Variants in PPARA observed in about 807,000 individuals in gnomAD.
The protein encoded by PPARA is peroxisome proliferator activated receptor alpha, also known as peroxisome proliferator-activated receptor alpha.
Under a neutral mutation model 42.2 loss-of-function variants are expected in PPARA, and 22 were observed. The observed-to-expected ratio is 0.52, with a 90% CI of 0.37 to 0.74. The LOEUF is 0.74. PPARA is among the 30% of genes least tolerant of loss of function. The pLI, the probability that PPARA is intolerant of heterozygous loss-of-function variation, is 0.00. For synonymous variants in PPARA, 242 were observed against 239.3 expected, an observed-to-expected ratio of 1.01 and a Z score of -0.10; for missense variants, 465 against 608.2, an observed-to-expected ratio of 0.76 and a Z score of 2.48.
intron 5 of PPARA, 44 bp downstream of exon 5, chr22:46,215,377 C>T (rs1934382211): frequency 6.2e-7 from 1 of 1,611,022 alleles, no homozygotes; most frequent in African/African-American, 1.3e-5. Context: ...CCACCATCAA[C>T]TACTTATGGT....
chr22:46,224,557 C>G lies in PPARA; in HGVS notation c.711+4543C>G, dbSNP rs563397071. Reference sequence around the variant, plus strand: ...CATCAGTTTCCAGCCTGGGTGACCTCACAGCCCCAGCCACGCCCCACAGAG... The same window carrying G: ...CATCAGTTTCCAGCCTGGGTGACCTGACAGCCCCAGCCACGCCCCACAGAG... On this transcript the variant is annotated intron_variant, in intron 7 of 8. Coordinates refer to ENST00000407236, the MANE Select transcript of PPARA (RefSeq NM_005036.6). The surrounding 1 kb of genome is among the most constrained non-coding windows in gnomAD (Gnocchi z 5.7). 1.5e-4 allele frequency among the ~76,000 whole-genome samples: 23 copies of G among 152,342 alleles called. No homozygotes were observed. In the South Asian group the frequency reaches 4.8e-3, roughly 32 times the overall value.
chr22:46,195,578 T>C lies in PPARA; in HGVS notation c.-42-2764T>C, dbSNP rs907501457. ...TTCACAAAAATGGATGAAATGTATC[T>C]ATTTTTCATTGGTAGAAGAAGCCAA... On this transcript the variant is annotated intron_variant, in intron 3 of 8. Transcript: ENST00000407236. The surrounding 1 kb of genome is among the most constrained non-coding windows in gnomAD (Gnocchi z 4.6). 6.6e-6 allele frequency among the ~76,000 whole-genome samples: 1 copy of C among 152,240 alleles called. No individual in the cohort carries two copies. Among genetic ancestry groups the C allele is most frequent in the African/African-American group, 2.4e-5 (1 of 41,468 alleles).
chr22:46,209,389 C>T (rs909863957), intron 4 of PPARA, among the ~76,000 whole-genome samples: 12 of 152,114 alleles, frequency 7.9e-5, no homozygotes, highest in Admixed American at 6.6e-5. Flanking sequence ...AAGATTAGGC[C>T]ATTATTTCTT....
Position 46,150,677 on chromosome 22 carries a change from G to T in PPARA, c.-210+25G>T, listed in dbSNP as rs1438475763. On this transcript the variant is annotated intron_variant, in intron 1 of 8. Transcript: ENST00000407236. The surrounding 1 kb of genome is among the most constrained non-coding windows in gnomAD (Gnocchi z 7.5). ...GGTGCCCGGGGGCGGGCGGGCGGGC[G>T]GGCGGGAACGCGCGCGGGGGTCCGC... The T allele has an allele frequency of 8.2e-5, 12 of 146,996 alleles. No individual in the cohort carries two copies. 9.1% of individuals were successfully genotyped at this position (146,996 alleles called of 1,614,324 possible).
Position 46,219,919 on chromosome 22 carries a change from C to G in PPARA, c.616C>G (p.Leu206Val). The G allele has an allele frequency of 6.2e-7, 1 of 1,614,198 alleles. No homozygotes were observed. Among genetic ancestry groups the G allele is most frequent in the East Asian group, 2.2e-5 (1 of 44,892 alleles). The change falls in exon 7 of 9, where the codon CTG (leucine) becomes GTG (valine). Residue 206 changes from leucine (L) to valine (V), a missense_variant. Physicochemically the swap from Leu to Val is conservative, Grantham distance 32. Around this residue, in one of 2 missense-constraint regions of PPARA, gnomAD observed 313 missense variants for 469.1 expected, o/e 0.67. Transcript: ENST00000407236. The surrounding 1 kb of genome is among the most constrained non-coding windows in gnomAD (Gnocchi z 4.8). ...EDSETADLKS[L>V]AKRIYEAYLK... ...TTCTGAAACTGCAGATCTCAAATCT[C>G]TGGCCAAGAGAATCTACGAGGCCTA...
intron 7 of PPARA, among the ~76,000 whole-genome samples, chr22:46,223,866 C>T (rs552102698): frequency 6.7e-5 from 10 of 149,472 alleles, no homozygotes; most frequent in Non-Finnish European, 8.9e-5. Flanking sequence ...AGGAGAATGG[C>T]GTGAACCTGG....
In PPARA at chr22:46,165,449, C is replaced by T. The variant is rs1269317586; in HGVS notation, c.-126-11304C>T. ...GGAGAGTTTACAAGATAGTGAAGAA[C>T]TGCCAGGCCATGGTCTGGAGAAGAT... is the stretch of plus-strand genomic sequence containing the variant. On this transcript the variant is annotated intron_variant, in intron 2 of 8. Coordinates refer to ENST00000407236, the MANE Select transcript of PPARA (RefSeq NM_005036.6). The surrounding 1 kb of genome is among the most constrained non-coding windows in gnomAD (Gnocchi z 5.5). The T allele has an allele frequency of 4.6e-5, 7 of 152,226 alleles. No homozygotes were observed. The highest frequency in any genetic ancestry group is 7.3e-5 in the Non-Finnish European group (5 of 68,060). The allele number at this position is 152,226 out of a possible 1,614,324, so 9.4% of individuals were successfully genotyped here.
In PPARA at chr22:46,232,207, C is replaced by A; in HGVS notation, c.1127C>A (p.Ser376Tyr). ...NALELDDSDI[S>Y]LFVAAIICCG... ...CTGGAACTGGATGACAGTGATATCT[C>A]CCTTTTTGTGGCTGCTATCATTTGC... The change falls in exon 8 of 9, where the codon TCC becomes TAC. Residue 376 changes from serine (S) to tyrosine (Y), a missense_variant. Ser to Tyr is a moderately radical substitution (Grantham distance 144). This residue lies in a region of PPARA where 313 missense variants were observed against 469.1 expected (regional missense o/e 0.67). Transcript: ENST00000407236. This position sits in a 1 kb window ranked among gnomAD's most constrained non-coding sequence, Gnocchi z 5.3. The A allele has an allele frequency of 1.2e-6, 2 of 1,614,140 alleles. No individual in the cohort carries two copies. Among genetic ancestry groups the A allele is most frequent in the Non-Finnish European group, 8.5e-7 (1 of 1,180,026 alleles).
At chr22:46,153,784 G>A (rs577576241) in intron 2 of PPARA, among the ~76,000 whole-genome samples, 38 of 152,086 alleles carry the variant, frequency 2.5e-4, no homozygotes, top group African/African-American at 8.0e-4. Context: ...TCTTGAACCC[G>A]GGAGGTGGAG....
chr22:46,237,237 C>T lies in PPARA; in HGVS notation c.*1857C>T, dbSNP rs184961859. On this transcript the variant is annotated 3_prime_UTR_variant, in exon 9 of 9. Transcript: ENST00000407236. This position sits in a 1 kb window ranked among gnomAD's most constrained non-coding sequence, Gnocchi z 6.7. The stretch of plus-strand genomic sequence containing the variant: ...GGAAGGACACAGTGTGAGACTTCCA[C>T]TAGAAAAAAGTGAAAGTTAGGGTTA... The T allele has an allele frequency of 1.3e-5, 2 of 152,066 alleles. No individual in the cohort carries two copies. Among genetic ancestry groups the T allele is most frequent in the African/African-American group, 2.4e-5 (1 of 41,380 alleles). The allele number at this position is 152,066 out of a possible 1,614,324, so 9.4% of individuals were successfully genotyped here.
At chr22:46,176,967 T>C (rs1929166748) in intron 3 of PPARA, 131 bp downstream of exon 3, 1 of 152,290 alleles carries the variant, frequency 6.6e-6, no homozygotes, top group Admixed American at 6.5e-5. Context: ...TCCCAGGACT[T>C]TGGGGGGCCA....
chr22:46,194,431 AAG>A (rs1195864087), intron 3 of PPARA, among the ~76,000 whole-genome samples: 1 of 152,160 alleles, frequency 6.6e-6, no homozygotes, highest in Non-Finnish European at 1.5e-5. Flanking sequence ...TCCTGGCCAG[AAG>A]AGAGAATATT....
Position 46,222,560 on chromosome 22 carries a change from AG to A in PPARA, c.711+2548del, listed in dbSNP as rs1442337743. Among the ~76,000 whole-genome samples, 1 of 152,234 alleles carries A rather than the reference AG, an allele frequency of 6.6e-6. No individual in the cohort carries two copies. The highest frequency in any genetic ancestry group is 1.5e-5 in the Non-Finnish European group (1 of 68,044). ...GAAGTTTCCAGCAGACACCCACACT[AG>A]GCAGCTCCAGAGGCTTGTCCCAATT... On this transcript the variant is annotated intron_variant, in intron 7 of 8. Transcript: ENST00000407236. The surrounding 1 kb of genome is among the most constrained non-coding windows in gnomAD (Gnocchi z 5.9).
At chr22:46,198,723 C>T (rs1361187009) in intron 4 of PPARA, 132 bp downstream of exon 4, 57 of 920,420 alleles carry the variant, frequency 6.2e-5, no homozygotes, top group Middle Eastern at 6.6e-4. Flanking sequence ...TGCAATGGCT[C>T]GATCTCGGCT....
chr22:46,154,543 G>A (rs961634712), intron 2 of PPARA, among the ~76,000 whole-genome samples: 2 of 152,080 alleles, frequency 1.3e-5, no homozygotes, highest in African/African-American at 2.4e-5. Flanking sequence ...CCTTGAGCCT[G>A]AGAAGTGGAG....
intron 2 of PPARA, among the ~76,000 whole-genome samples, chr22:46,154,662 T>A (rs1238383670): frequency 1.3e-5 from 2 of 152,046 alleles, no homozygotes; most frequent in Non-Finnish European, 2.9e-5. Context: ...GCAGTGTTTT[T>A]AATTTTATTT....
intron 4 of PPARA, among the ~76,000 whole-genome samples, chr22:46,205,988 G>A (rs1933264160): frequency 6.6e-6 from 1 of 151,888 alleles, no homozygotes; most frequent in Non-Finnish European, 1.5e-5. Flanking sequence ...TTATACTATG[G>A]TTTGATTTAA....
Position 46,173,870 on chromosome 22 carries a change from T to TAC in PPARA, c.-126-2873_-126-2872dup, listed in dbSNP as rs1259718475. Among the ~76,000 whole-genome samples, 3 of 151,928 alleles carry TAC rather than the reference T, an allele frequency of 2.0e-5. No homozygotes were observed. Among genetic ancestry groups the TAC allele is most frequent in the African/African-American group, 7.3e-5 (3 of 41,236 alleles). On this transcript the variant is annotated intron_variant, in intron 2 of 8. Transcript: ENST00000407236. This position sits in a 1 kb window ranked among gnomAD's most constrained non-coding sequence, Gnocchi z 4.3. ...ATGAGGCATGCAACTCACCCTCAAA[T>TAC]ACACACACACATACACATATATACA...
chr22:46,213,690 C>T lies in PPARA; in HGVS notation c.209-1483C>T, dbSNP rs188383672. Among the ~76,000 whole-genome samples, 26 of 151,748 alleles carry T rather than the reference C, an allele frequency of 1.7e-4. 1 individual carries two copies. The East Asian group carries it at 3.3e-3, about 19-fold the overall frequency. ...CTGCAAGCTCCGCCTCCTGGGTTCA[C>T]GCCATTCTCCTGCCTCAGCCTCCCG... On this transcript the variant is annotated intron_variant, in intron 4 of 8. Coordinates refer to ENST00000407236, the MANE Select transcript of PPARA (RefSeq NM_005036.6).
Sources: gnomAD v4.1 joint callset for allele counts (sites outside exome capture counted in the v4.1 genomes callset) on GRCh38, gnomAD v4.1.1 for gene constraint, gnomAD v4.1.1 regional missense constraint, Gnocchi (gnomAD v3.1) non-coding constraint, MANE v1.5 for transcripts, NCBI Gene and HGNC (gene_info 2026-07-23, HGNC 2026-07-21) for gene names.